Variants in ZNF577 observed in about 807,000 individuals in gnomAD.
ZNF577 encodes zinc finger protein 577.
Under a neutral mutation model 13.9 loss-of-function variants are expected in ZNF577, and 14 were observed. The ratio of observed to expected loss-of-function variants is 1.00; its 90% CI spans 0.66 to 1.57. The LOEUF is 1.57. Ranked by LOEUF, ZNF577 falls within the 40% of genes most tolerant of loss-of-function variation. The pLI, the probability that ZNF577 is intolerant of heterozygous loss-of-function variation, is 0.00. For synonymous variants in ZNF577, 203 were observed against 202.9 expected (o/e 1.00, Z 0.00); for missense variants, 555 against 579.2 (o/e 0.96, Z 0.43).
intron 6 of ZNF577, among the ~76,000 whole-genome samples, chr19:51,844,483 T>C (rs1237579542): frequency 2.6e-5 from 4 of 152,218 alleles, no homozygotes; most frequent in African/African-American, 4.8e-5. Flanking sequence ...AAAAATTCTC[T>C]TGTGATGGTT....
intron 9 of ZNF577, among the ~76,000 whole-genome samples, chr19:51,816,256 CT>C (rs952807313): frequency 6.6e-6 from 1 of 151,830 alleles, no homozygotes; most frequent in Non-Finnish European, 1.5e-5. Flanking sequence ...TTCTTTTCTC[CT>C]TTTTTTTGAG....
intron 9 of ZNF577, among the ~76,000 whole-genome samples, chr19:51,815,214 G>A (rs1024295237): frequency 6.6e-6 from 1 of 152,082 alleles, no homozygotes; most frequent in Non-Finnish European, 1.5e-5. Flanking sequence ...GGAGCTTTCA[G>A]CCCCACCCAT....
At chr19:51,838,229 A>T (rs572647914) in intron 9 of ZNF577, among the ~76,000 whole-genome samples, 1 of 152,230 alleles carries the variant, frequency 6.6e-6, no homozygotes, top group African/African-American at 2.4e-5. Context: ...GTATCCACAT[A>T]TAAGTGCATA....
In ZNF577 at chr19:51,830,326, C is replaced by T. The variant is rs148341831; in HGVS notation, c.*599+9567G>A. Among the ~76,000 whole-genome samples, 391 of 152,268 alleles carry T rather than the reference C, an allele frequency of 2.6e-3. 1 individual carries two copies. Among genetic ancestry groups the T allele is most frequent in the African/African-American group, 9.0e-3 (375 of 41,532 alleles). ...AAACATAAAAACCTTTTGTACCACACGCGTCCTCCTGAACTTTACAACAAA... is the reference window on the plus strand; with the variant it reads ...AAACATAAAAACCTTTTGTACCACATGCGTCCTCCTGAACTTTACAACAAA... On this transcript the variant is annotated intron_variant and NMD_transcript_variant, in intron 9 of 10. Transcript: ENST00000638827.
At chr19:51,846,751 A>T (rs1401074593) in intron 5 of ZNF577, among the ~76,000 whole-genome samples, 1 of 151,910 alleles carries the variant, frequency 6.6e-6, no homozygotes, top group Non-Finnish European at 1.5e-5. Flanking sequence ...CCCTACTGCC[A>T]TATGAAAACA....
rs559076385 is a variant in ZNF577, at chr19:51,887,183, A to G, written c.-581T>C. ...AAACAAATAAAAATATTGGGTTAAT[A>G]GAAATCCATCACATGTTCCTGAAAG... On this transcript the variant is annotated 5_prime_UTR_variant, in exon 1 of 6. Transcript: ENST00000638348. 1 of 152,344 alleles carries G rather than the reference A, an allele frequency of 6.6e-6. No homozygotes were observed. Among genetic ancestry groups the G allele is most frequent in the Non-Finnish European group, 1.5e-5 (1 of 68,038 alleles). The allele number at this position is 152,344 out of a possible 1,614,324, so 9.4% of individuals were successfully genotyped here. A position where few individuals can be genotyped will look rare whatever the true frequency, so the allele number is the denominator to read the frequency against.
At chr19:51,823,835 A>G (rs752886660) in intron 9 of ZNF577, 5 of 1,613,960 alleles carry the variant, frequency 3.1e-6, no homozygotes, top group Non-Finnish European at 4.2e-6. Flanking sequence ...GGATCTTCTC[A>G]TTGCTAGTCC....
At chr19:51,807,275 T>C (rs956061687) in intron 10 of ZNF577, among the ~76,000 whole-genome samples, 10 of 152,190 alleles carry the variant, frequency 6.6e-5, no homozygotes, top group African/African-American at 2.4e-4. Flanking sequence ...GACTGCATTC[T>C]TAAAACAGTA....
intron 9 of ZNF577, among the ~76,000 whole-genome samples, chr19:51,837,931 A>G (rs1347392304): frequency 6.6e-6 from 1 of 152,202 alleles, no homozygotes; most frequent in Admixed American, 6.5e-5. Flanking sequence ...AGTGCAAAGG[A>G]ACTGATTTAT....
intron 9 of ZNF577, among the ~76,000 whole-genome samples, chr19:51,830,625 T>A (rs1231970458): frequency 6.6e-6 from 1 of 152,218 alleles, no homozygotes; most frequent in Non-Finnish European, 1.5e-5. Flanking sequence ...CCTAAGCATA[T>A]ATGACTCAGT....
chr19:51,881,430 A>G (rs748653929), intron 1 of ZNF577, among the ~76,000 whole-genome samples: 6 of 152,226 alleles, frequency 3.9e-5, no homozygotes, highest in Non-Finnish European at 5.9e-5. Flanking sequence ...CATACAAACC[A>G]TAAGCACTGT....
chr19:51,878,291 C>A, intron 4 of ZNF577, 98 bp downstream of exon 4: 1 of 1,299,954 alleles, frequency 7.7e-7, no homozygotes, highest in South Asian at 1.7e-5. Context: ...AAATCTATAA[C>A]ATATAATACT....
At chr19:51,885,172 GT>G (rs2084924215) in intron 1 of ZNF577, among the ~76,000 whole-genome samples, 2 of 152,186 alleles carry the variant, frequency 1.3e-5, no homozygotes, top group African/African-American at 2.4e-5. Context: ...ACTATTGTGG[GT>G]TAGCTGAATG....
At chr19:51,820,397 T>C (rs1261473473) in intron 9 of ZNF577, among the ~76,000 whole-genome samples, 4 of 152,184 alleles carry the variant, frequency 2.6e-5, no homozygotes, top group Admixed American at 2.6e-4. Flanking sequence ...TTAGAAATAA[T>C]AAAATACACA....
At chr19:51,813,227 A>G (rs2084110635) in intron 9 of ZNF577, among the ~76,000 whole-genome samples, 1 of 151,868 alleles carries the variant, frequency 6.6e-6, no homozygotes, top group Non-Finnish European at 1.5e-5. Context: ...TAGCAGATGC[A>G]GTATCTGGTG....
chr19:51,823,956 G>C, intron 9 of ZNF577: 1 of 1,614,046 alleles, frequency 6.2e-7, no homozygotes, highest in South Asian at 1.1e-5. Context: ...CCTGGCCCTA[G>C]CTGACTTCTC....
chr19:51,851,051 C>T (rs2084376508), intron 5 of ZNF577, among the ~76,000 whole-genome samples: 1 of 152,110 alleles, frequency 6.6e-6, no homozygotes, highest in Non-Finnish European at 1.5e-5. Context: ...CAAATCTATA[C>T]TCAAATTCAT....
intron 5 of ZNF577, among the ~76,000 whole-genome samples, chr19:51,858,261 A>G (rs1486256335): frequency 6.6e-6 from 1 of 152,222 alleles, no homozygotes; most frequent in Non-Finnish European, 1.5e-5. Flanking sequence ...CCTGAGTGCA[A>G]TACCTATATG....
chr19:51,885,776 G>A (rs2084936794), intron 1 of ZNF577, among the ~76,000 whole-genome samples: 1 of 152,146 alleles, frequency 6.6e-6, no homozygotes, highest in Admixed American at 6.5e-5. Flanking sequence ...CCAAAGTGCT[G>A]GGATTACAGG....
Sources: allele counts gnomAD v4.1 joint callset (sites outside exome capture counted in the v4.1 genomes callset), GRCh38; gene constraint gnomAD v4.1.1; transcripts MANE v1.5; gene names NCBI Gene and HGNC (gene_info 2026-07-23, HGNC 2026-07-21).